The following POLI variants were observed in gnomAD, a reference collection of about 807,000 sequenced individuals.
POLI encodes DNA polymerase iota.
A neutral mutation model predicts 51.6 loss-of-function variants in POLI; 58 were observed. The ratio of observed to expected loss-of-function variants is 1.12; its 90% confidence interval spans 0.91 to 1.40. POLI has a LOEUF of 1.40. Ranked by LOEUF, POLI falls within the 40% of genes most tolerant of loss-of-function variation. POLI has a pLI of 0.00. For synonymous variants in POLI, 322 were observed against 299.7 expected (o/e 1.07, Z -0.77); for missense variants, 921 against 871.3 (o/e 1.06, Z -0.72).
chr18:54,282,122 AG>A (rs1221421056), intron 5 of POLI, among the ~76,000 whole-genome samples: 1 of 152,184 alleles, frequency 6.6e-6, no homozygotes. Context: ...TGGTGCGTAT[AG>A]GAATCAGTTA....
At position 54,297,904 on chromosome 18, in the gene POLI, C is replaced by G. The variant is rs1423741260; in HGVS notation, c.*3437C>G. The G allele has an allele frequency of 1.0e-6, 1 of 981,624 alleles. No individual in the cohort carries two copies. Among genetic ancestry groups the G allele is most frequent in the East Asian group, 1.1e-4 (1 of 8,816 alleles). 60.8% of individuals were successfully genotyped at this position (981,624 alleles called of 1,614,324 possible). A position where few individuals can be genotyped will look rare whatever the true frequency, so the allele number is the denominator to read the frequency against. On this transcript the variant is annotated 3_prime_UTR_variant, in exon 10 of 10. Transcript: ENST00000579534. ...TTTTCTTGTGTGTCAGATGTTCCTT[C>G]TAGGTAGAATTCTTTATACCTTCTG... is the stretch of plus-strand genomic sequence containing the variant.
rs1410837669 is a variant in POLI, at chr18:54,305,666, C to T, written c.334-14607C>T. On this transcript the variant is annotated intron_variant, in intron 3 of 4. Coordinates refer to the POLI transcript ENST00000579823. ...AGCTTAAGGAGGTTTTGGGCTGAGA[C>T]GATGGGGTTTTCTAAATATACAATC... 8.7e-5 allele frequency among the ~76,000 whole-genome samples: 9 copies of T among 103,450 alleles called. 1 individual carries two copies. The highest frequency in any genetic ancestry group is 1.7e-4 in the Non-Finnish European group (7 of 41,860). 67.9% of individuals were successfully genotyped at this position (103,450 alleles called of 152,430 possible). A position where few individuals can be genotyped will look rare whatever the true frequency, so the allele number is the denominator to read the frequency against.
intron 3 of POLI, 129 bp from the exon 4 acceptor site, chr18:54,277,572 GAT>G: frequency 1.8e-6 from 1 of 559,748 alleles, no homozygotes; most frequent in African/African-American, 1.9e-5. Context: ...CTTTATTAAA[GAT>G]ATTATGGAAC....
At chr18:54,282,687 G>C (rs1047136464) in intron 5 of POLI, 150 bp from the exon 6 acceptor site, 1 of 532,596 alleles carries the variant, frequency 1.9e-6, no homozygotes, top group African/African-American at 1.9e-5. Context: ...ATCCACTGAA[G>C]GTCTTAGAAT....
At chr18:54,283,252 AATTTT>A (rs2087600107) in intron 6 of POLI, among the ~76,000 whole-genome samples, 2 of 152,144 alleles carry the variant, frequency 1.3e-5, no homozygotes, top group South Asian at 4.1e-4. Flanking sequence ...AGTGCAACTT[AATTTT>A]AATAGCCTAT....
chr18:54,294,640 T>A lies in POLI; in HGVS notation c.*173T>A. The A allele has an allele frequency of 2.3e-6, 3 of 1,280,430 alleles. No individual in the cohort carries two copies. The allele number at this position is 1,280,430 out of a possible 1,614,324, so 79.3% of individuals were successfully genotyped here. A position where few individuals can be genotyped will look rare whatever the true frequency, so the allele number is the denominator to read the frequency against. On this transcript the variant is annotated 3_prime_UTR_variant, in exon 10 of 10. Transcript: ENST00000579534. ...AATTCTGGCACAAAGCGTAAAAATA[T>A]AACAGAAGAAATAATGTAAAATACT...
rs188613332 is a variant in POLI, at chr18:54,273,720, A to G, written c.242-206A>G. On this transcript the variant is annotated intron_variant, in intron 2 of 9. Transcript: ENST00000579534. ...ATAATACATTGGTATATTATAATTC[A>G]TAATTAGGAGATAGCTTGAAAACCT... is the stretch of plus-strand genomic sequence containing the variant. Among the ~76,000 whole-genome samples, 343 of 152,274 alleles carry G rather than the reference A, an allele frequency of 2.3e-3. 1 individual carries two copies. The highest frequency in any genetic ancestry group is 7.7e-3 in the African/African-American group (319 of 41,578).
At chr18:54,286,768 A>C (rs929776852) in intron 7 of POLI, among the ~76,000 whole-genome samples, 16 of 152,184 alleles carry the variant, frequency 1.1e-4, no homozygotes, top group African/African-American at 3.1e-4. Flanking sequence ...ACATGGCAAA[A>C]CCACCTCTCT....
In POLI at chr18:54,287,440, T is replaced by C. The variant is rs760467326; in HGVS notation, c.1198+29T>C. The C allele has an allele frequency of 5.0e-6, 8 of 1,588,244 alleles. No homozygotes were observed. The South Asian group carries it at 6.8e-5, about 14-fold the overall frequency. On this transcript the variant is annotated intron_variant, in intron 8 of 9. Transcript: ENST00000579534. ...TGGACTAGTTTTCCAACAGTTTCAT[T>C]AGCAGGTTGAACTCTTAAATAAGCC...
In POLI at chr18:54,296,915, A is replaced by T; in HGVS notation, c.*2448A>T. The T allele has an allele frequency of 1.0e-6, 1 of 961,034 alleles. No individual in the cohort carries two copies. Among genetic ancestry groups the T allele is most frequent in the Non-Finnish European group, 1.2e-6 (1 of 807,812 alleles). 59.5% of individuals were successfully genotyped at this position (961,034 alleles called of 1,614,324 possible). On this transcript the variant is annotated 3_prime_UTR_variant, in exon 10 of 10. Coordinates refer to ENST00000579534, the MANE Select transcript of POLI (RefSeq NM_007195.3). ...ATATTTTAAGTCTTTATAAGTCTACATTTAAGGTTATTATTGCATATCATT... is the reference window on the plus strand; with the variant it reads ...ATATTTTAAGTCTTTATAAGTCTACTTTTAAGGTTATTATTGCATATCATT...
chr18:54,299,627 A>G (rs1436277109), downstream of POLI, among the ~76,000 whole-genome samples: 1 of 152,232 alleles, frequency 6.6e-6, no homozygotes, highest in Non-Finnish European at 1.5e-5. Flanking sequence ...TCTGTGAGCT[A>G]TGAGACAACT....
In POLI at chr18:54,269,525, CGCTGCGGTTG is replaced by C; in HGVS notation, c.-19_-10del. The C allele has an allele frequency of 6.6e-7, 1 of 1,507,040 alleles. No individual in the cohort carries two copies. The highest frequency in any genetic ancestry group is 8.8e-7 in the Non-Finnish European group (1 of 1,131,960). 93.4% of individuals were successfully genotyped at this position (1,507,040 alleles called of 1,614,324 possible). A position where few individuals can be genotyped will look rare whatever the true frequency, so the allele number is the denominator to read the frequency against. The stretch of plus-strand genomic sequence containing the variant: ...ACCAGGCGGAAGCGGCCGGAAGTAG[CGCTGCGGTTG>C]GCAGCGGCGGGATGGAGAAGCTGGG... On this transcript the variant is annotated 5_prime_UTR_variant, in exon 1 of 10. Transcript: ENST00000579534.
At chr18:54,300,355 G>A (rs565695846), downstream of POLI, among the ~76,000 whole-genome samples, 7 of 152,196 alleles carry the variant, frequency 4.6e-5, no homozygotes, top group African/African-American at 1.4e-4. Flanking sequence ...TTATTGTAAG[G>A]CCCTTAAACT....
chr18:54,273,812 A>G, intron 2 of POLI, 114 bp from the exon 3 acceptor site: 1 of 544,130 alleles, frequency 1.8e-6, no homozygotes, highest in Non-Finnish European at 3.0e-6. Flanking sequence ...AGGGCTTTTG[A>G]TTCTTATCAA....
chr18:54,298,048 G>T lies in POLI; in HGVS notation c.*3581G>T, dbSNP rs1285290292. On this transcript the variant is annotated 3_prime_UTR_variant, in exon 10 of 10. Transcript: ENST00000579534. Reference sequence around the variant, plus strand: ...ATATGTCTAGCTATAGATTTATCATGGATTTAGGTTCATTATGAATCTGCA... The same window carrying T: ...ATATGTCTAGCTATAGATTTATCATTGATTTAGGTTCATTATGAATCTGCA... The T allele has an allele frequency of 1.0e-6, 1 of 969,924 alleles. No homozygotes were observed. Among genetic ancestry groups the T allele is most frequent in the African/African-American group, 1.8e-5 (1 of 56,848 alleles). 60.1% of individuals were successfully genotyped at this position (969,924 alleles called of 1,614,324 possible). A position where few individuals can be genotyped will look rare whatever the true frequency, so the allele number is the denominator to read the frequency against.
chr18:54,295,898 A>T lies in POLI; in HGVS notation c.*1431A>T. 8 of 946,488 alleles carry T rather than the reference A, an allele frequency of 8.5e-6. No homozygotes were observed. Among genetic ancestry groups the T allele is most frequent in the Non-Finnish European group, 1.0e-5 (8 of 794,460 alleles). 58.6% of individuals were successfully genotyped at this position (946,488 alleles called of 1,614,324 possible). A position where few individuals can be genotyped will look rare whatever the true frequency, so the allele number is the denominator to read the frequency against. ...CACCTTGGCCTCCCAAAGTGCTGGGATTACAGGTGTGAGCCATTGCTCCTG... is the reference window on the plus strand; with the variant it reads ...CACCTTGGCCTCCCAAAGTGCTGGGTTTACAGGTGTGAGCCATTGCTCCTG... On this transcript the variant is annotated 3_prime_UTR_variant, in exon 10 of 10. Coordinates refer to ENST00000579534, the MANE Select transcript of POLI (RefSeq NM_007195.3).
At chr18:54,300,403 G>A (rs1189213053), downstream of POLI, among the ~76,000 whole-genome samples, 1 of 152,060 alleles carries the variant, frequency 6.6e-6, no homozygotes, top group Non-Finnish European at 1.5e-5. Context: ...AAGACAGACT[G>A]TGATAAGTTA....
chr18:54,274,110 T>A lies in POLI; in HGVS notation c.406+20T>A. ...TTACAGGTACAAATGATAAGCAATG[T>A]ACTTTTAGCATTAATTTTTATGTAG... On this transcript the variant is annotated intron_variant, in intron 3 of 9. Coordinates refer to ENST00000579534, the MANE Select transcript of POLI (RefSeq NM_007195.3). The A allele has an allele frequency of 7.7e-7, 1 of 1,306,106 alleles. No homozygotes were observed. Among genetic ancestry groups the A allele is most frequent in the Non-Finnish European group, 1.0e-6 (1 of 1,000,848 alleles). The allele number at this position is 1,306,106 out of a possible 1,614,324, so 80.9% of individuals were successfully genotyped here. A position where few individuals can be genotyped will look rare whatever the true frequency, so the allele number is the denominator to read the frequency against.
At chr18:54,292,798 C>CT (rs1415229307) in intron 9 of POLI, among the ~76,000 whole-genome samples, 2 of 151,986 alleles carry the variant, frequency 1.3e-5, no homozygotes, top group Non-Finnish European at 2.9e-5. Context: ...CTTCAAATTA[C>CT]TTTTTTCTGT....
Sources: gnomAD v4.1 joint callset for allele counts (sites outside exome capture counted in the v4.1 genomes callset) on GRCh38, gnomAD v4.1.1 for gene constraint, MANE v1.5 for transcripts, NCBI Gene and HGNC (gene_info 2026-07-23, HGNC 2026-07-21) for gene names.